The following TMEM178B variants were observed in gnomAD, a reference collection of about 807,000 sequenced individuals.
TMEM178B encodes the protein transmembrane protein 178B.
A neutral mutation model predicts 31.0 loss-of-function variants in TMEM178B; 5 were observed. The observed-to-expected ratio is 0.16, with a 90% CI of 0.08 to 0.34. The LOEUF is 0.34. TMEM178B is among the 10% of genes least tolerant of loss of function. TMEM178B has a pLI of 1.00. For synonymous variants in TMEM178B, 164 were observed against 164.0 expected (o/e 1.00, Z 0.00); for missense variants, 275 against 400.3 (o/e 0.69, Z 2.67).
intron 1 of TMEM178B, among the ~76,000 whole-genome samples, chr7:141,153,304 C>T (rs1796010460): frequency 1.3e-5 from 2 of 152,138 alleles, no homozygotes; most frequent in African/African-American, 2.4e-5. Context: ...TTCAACACCT[C>T]GATTTTTAGT....
intron 1 of TMEM178B, among the ~76,000 whole-genome samples, chr7:141,134,186 G>C (rs1389592365): frequency 6.6e-6 from 1 of 152,088 alleles, no homozygotes; most frequent in Non-Finnish European, 1.5e-5. Context: ...AGTGAGTTAT[G>C]ATCATGCCAC....
At chr7:141,193,940 C>A (rs537829872) in intron 1 of TMEM178B, among the ~76,000 whole-genome samples, 76 of 152,238 alleles carry the variant, frequency 5.0e-4, no homozygotes, top group African/African-American at 1.7e-3. Flanking sequence ...TACTTGGCAG[C>A]AACAAGAAAA....
intron 1 of TMEM178B, among the ~76,000 whole-genome samples, chr7:141,196,726 A>G (rs187520980): frequency 6.6e-6 from 1 of 152,084 alleles, no homozygotes; most frequent in African/African-American, 2.4e-5. Flanking sequence ...AGCTGCAGCC[A>G]TGTTTCTGCT....
At chr7:141,356,454 C>T (rs1409509805) in intron 2 of TMEM178B, among the ~76,000 whole-genome samples, 1 of 151,828 alleles carries the variant, frequency 6.6e-6, no homozygotes, top group Non-Finnish European at 1.5e-5. Flanking sequence ...TTTTGATTTA[C>T]ATATCTCTGA....
At chr7:141,436,529 G>C (rs1442856238) in intron 2 of TMEM178B, among the ~76,000 whole-genome samples, 1 of 152,118 alleles carries the variant, frequency 6.6e-6, no homozygotes, top group African/African-American at 2.4e-5. Context: ...GGGAGCTGTG[G>C]TGGGTGTTGG....
At chr7:141,495,274 G>T in the TMEM178B span, among the ~76,000 whole-genome samples, 1 of 152,160 alleles carries the variant, frequency 6.6e-6, no homozygotes, top group South Asian at 2.1e-4. Flanking sequence ...TCACTAGGTT[G>T]CCAAAAATAT....
At chr7:141,194,771 G>A (rs1180726666) in intron 1 of TMEM178B, among the ~76,000 whole-genome samples, 1 of 152,212 alleles carries the variant, frequency 6.6e-6, no homozygotes, top group Non-Finnish European at 1.5e-5. Context: ...CCCTAGCAGA[G>A]GTTCTCCATG....
At chr7:141,111,673 G>C (rs1322695871) in intron 1 of TMEM178B, among the ~76,000 whole-genome samples, 1 of 152,064 alleles carries the variant, frequency 6.6e-6, no homozygotes, top group Non-Finnish European at 1.5e-5. Context: ...AGTTGGAGGG[G>C]ATTTGCCAAT....
intron 2 of TMEM178B, among the ~76,000 whole-genome samples, chr7:141,420,576 C>T (rs1413137431): frequency 6.6e-6 from 1 of 152,004 alleles, no homozygotes; most frequent in Non-Finnish European, 1.5e-5. Context: ...AGAGGTCGAC[C>T]GAGCCCACTC....
At chr7:141,397,368 G>A (rs886621035) in intron 2 of TMEM178B, among the ~76,000 whole-genome samples, 2 of 152,136 alleles carry the variant, frequency 1.3e-5, no homozygotes, top group East Asian at 3.9e-4. Flanking sequence ...CCCTCTGTTG[G>A]CAAATCAGGT....
intron 2 of TMEM178B, among the ~76,000 whole-genome samples, chr7:141,382,081 T>C (rs959963468): frequency 2.6e-5 from 4 of 152,224 alleles, no homozygotes; most frequent in African/African-American, 7.2e-5. Context: ...CATTGGCCCA[T>C]TATTCTCCAT....
In TMEM178B at chr7:141,455,206, G is replaced by A. The variant is rs560959821; in HGVS notation, c.635-15330G>A. Among the ~76,000 whole-genome samples, 236 of 152,262 alleles carry A rather than the reference G, an allele frequency of 1.5e-3. 2 individuals are homozygous for A. The highest frequency in any genetic ancestry group is 5.5e-3 in the African/African-American group (230 of 41,566). ...TAGAAAACTCGTGTCCCTTCAGAAG[G>A]AGTCACCCTTCTACCTGACACAAAT... On this transcript the variant is annotated intron_variant, in intron 3 of 3. Coordinates refer to ENST00000565468, the MANE Select transcript of TMEM178B (RefSeq NM_001195278.2).
At chr7:141,096,472 G>A (rs74976238) in intron 1 of TMEM178B, among the ~76,000 whole-genome samples, 489 of 152,340 alleles carry the variant, frequency 3.2e-3, no homozygotes, top group Non-Finnish European at 5.8e-3. Context: ...GCCTTGAGAA[G>A]CCTGAGTCCT....
intron 1 of TMEM178B, among the ~76,000 whole-genome samples, chr7:141,189,258 C>T (rs1035879443): frequency 1.3e-5 from 2 of 152,226 alleles, no homozygotes; most frequent in African/African-American, 4.8e-5. Context: ...AATGGATTGG[C>T]CACGTGAAGC....
Position 141,074,126 on chromosome 7 carries a change from G to GCCCGC in TMEM178B, c.-181_-177dup. The GCCCGC allele has an allele frequency of 3.6e-6, 3 of 841,772 alleles. No homozygotes were observed. The highest frequency in any genetic ancestry group is 5.0e-6 in the Non-Finnish European group (3 of 602,784). 52.1% of individuals were successfully genotyped at this position (841,772 alleles called of 1,614,324 possible). ...TCTCCGGATCAGAACTTTTTAGGCC[G>GCCCGC]CCCGCCCCCATCCCCGCAGTCCCCG... On this transcript the variant is annotated 5_prime_UTR_variant, in exon 1 of 4. Transcript: ENST00000565468. This position sits in a 1 kb window ranked among gnomAD's most constrained non-coding sequence, Gnocchi z 5.1.
chr7:141,093,079 A>T (rs185617063), intron 1 of TMEM178B, among the ~76,000 whole-genome samples: 11 of 152,330 alleles, frequency 7.2e-5, no homozygotes, highest in African/African-American at 2.6e-4. Flanking sequence ...GAAGCACTGC[A>T]GGATTTTGAG....
At chr7:141,265,358 G>A (rs1234768529) in intron 2 of TMEM178B, among the ~76,000 whole-genome samples, 4 of 152,106 alleles carry the variant, frequency 2.6e-5, no homozygotes, top group African/African-American at 7.2e-5. Flanking sequence ...GGACTGTGGC[G>A]CAGACTTTAC....
chr7:141,084,213 C>G (rs1794739903), intron 1 of TMEM178B, among the ~76,000 whole-genome samples: 1 of 152,218 alleles, frequency 6.6e-6, no homozygotes, highest in South Asian at 2.1e-4. Flanking sequence ...GGGCTTACAG[C>G]TAAACATTTT....
At chr7:141,303,124 C>T (rs532416793) in intron 2 of TMEM178B, among the ~76,000 whole-genome samples, 2 of 152,264 alleles carry the variant, frequency 1.3e-5, no homozygotes, top group African/African-American at 2.4e-5. Flanking sequence ...TTATTCAGTG[C>T]CATTCCTTCC....
Sources: gnomAD v4.1 joint callset for allele counts (sites outside exome capture counted in the v4.1 genomes callset) on GRCh38, gnomAD v4.1.1 for gene constraint, Gnocchi (gnomAD v3.1) non-coding constraint, MANE v1.5 for transcripts, NCBI Gene and HGNC (gene_info 2026-07-23, HGNC 2026-07-21) for gene names.